CTNND2: variants seen among roughly 807,000 people sequenced by gnomAD.
The protein encoded by CTNND2 is catenin delta-2.
A neutral mutation model predicts 144.4 loss-of-function variants in CTNND2; 22 were observed. The ratio of observed to expected loss-of-function variants is 0.15; its 90% CI spans 0.11 to 0.22. The LOEUF (loss-of-function observed/expected upper bound fraction) is 0.22. Ranked by LOEUF, CTNND2 falls within the 10% of genes least tolerant of loss-of-function variation. The pLI, the probability that CTNND2 is intolerant of heterozygous loss-of-function variation, is 1.00. For missense variants in CTNND2, 1,353 were observed against 1,618.8 expected (o/e 0.84, Z 2.82); for synonymous variants, 751 against 695.6 (o/e 1.08, Z -1.25).
chr5:11,758,521 T>C (rs572941422), intron 1 of CTNND2, among the ~76,000 whole-genome samples: 1 of 152,170 alleles, frequency 6.6e-6, no homozygotes, highest in South Asian at 2.1e-4. Context: ...CCTTAGCATC[T>C]GGTAACCATC....
chr5:11,161,300 C>T (rs1560948557), intron 11 of CTNND2, among the ~76,000 whole-genome samples: 1 of 152,180 alleles, frequency 6.6e-6, no homozygotes, highest in African/African-American at 2.4e-5. Flanking sequence ...TCCAACTGTG[C>T]TTTAGTGAAT....
At chr5:11,359,434 CT>C (rs1024311291) in intron 8 of CTNND2, among the ~76,000 whole-genome samples, 2 of 152,176 alleles carry the variant, frequency 1.3e-5, no homozygotes, top group South Asian at 2.1e-4. Flanking sequence ...CCGCCTCCCC[CT>C]GTTAATGGTC....
chr5:11,336,435 T>C (rs1753734539), intron 9 of CTNND2, among the ~76,000 whole-genome samples: 1 of 152,244 alleles, frequency 6.6e-6, no homozygotes, highest in African/African-American at 2.4e-5. Context: ...GACTTATCCA[T>C]ACTTCTATAA....
chr5:11,127,211 CA>C (rs1754765164), intron 12 of CTNND2, among the ~76,000 whole-genome samples: 1 of 152,224 alleles, frequency 6.6e-6, no homozygotes, highest in Admixed American at 6.5e-5. Context: ...GGACCAAGGG[CA>C]AATCTTGTTA....
At chr5:11,639,976 C>A (rs1781911053) in intron 2 of CTNND2, among the ~76,000 whole-genome samples, 1 of 152,042 alleles carries the variant, frequency 6.6e-6, no homozygotes, top group Non-Finnish European at 1.5e-5. Flanking sequence ...GTTAACCATG[C>A]CTAAGTAGAA....
At chr5:10,998,388 C>A (rs1739572862) in intron 18 of CTNND2, among the ~76,000 whole-genome samples, 1 of 152,254 alleles carries the variant, frequency 6.6e-6, no homozygotes, top group African/African-American at 2.4e-5. Context: ...CAATAAATAT[C>A]TTCGTTAGAG....
At chr5:11,810,051 C>T (rs751558347) in intron 1 of CTNND2, among the ~76,000 whole-genome samples, 1 of 152,094 alleles carries the variant, frequency 6.6e-6, no homozygotes, top group Non-Finnish European at 1.5e-5. Flanking sequence ...TGTCCCCGGA[C>T]AAATCTGACA....
intron 9 of CTNND2, among the ~76,000 whole-genome samples, chr5:11,273,714 C>T (rs1031523827): frequency 5.3e-5 from 8 of 152,104 alleles, no homozygotes; most frequent in African/African-American, 1.7e-4. Flanking sequence ...ACTTATCGCC[C>T]AGATAAATGG....
rs771110873 is a variant in CTNND2, at chr5:11,674,967, C to A, written c.174+57169G>T. ...GGTCTCAAATTCCTGACCATGTGATCCTCCTGCCTCAGGCATATGTAGTTT... is the reference window on the plus strand; with the variant it reads ...GGTCTCAAATTCCTGACCATGTGATACTCCTGCCTCAGGCATATGTAGTTT... On this transcript the variant is annotated intron_variant, in intron 2 of 21. Coordinates refer to ENST00000304623, the MANE Select transcript of CTNND2 (RefSeq NM_001332.4). Among the ~76,000 whole-genome samples the A allele has an allele frequency of 2.9e-4, 44 of 152,204 alleles. 1 individual carries two copies. The South Asian group carries it at 4.6e-3, about 16-fold the overall frequency.
rs755835065 is a variant in CTNND2, at chr5:11,412,019, A to G, written c.322+16T>C. 21 of 1,602,728 alleles carry G rather than the reference A, an allele frequency of 1.3e-5. No homozygotes were observed. The Admixed American group carries it at 2.7e-4, about 20-fold the overall frequency. ...TGTTTAGAAGTGTAAGTGTTCATCA[A>G]TAAGATAGACATTACCTTGTGACTG... On this transcript the variant is annotated intron_variant, in intron 4 of 21. Coordinates refer to ENST00000304623, the MANE Select transcript of CTNND2 (RefSeq NM_001332.4).
chr5:11,182,901 C>T (rs370728427), intron 11 of CTNND2, among the ~76,000 whole-genome samples: 2 of 152,116 alleles, frequency 1.3e-5, no homozygotes, highest in Non-Finnish European at 2.9e-5. Context: ...GAGGGAGCCC[C>T]CTGGAGGTAA....
intron 1 of CTNND2, among the ~76,000 whole-genome samples, chr5:11,839,094 G>A (rs139297237): frequency 7.9e-5 from 12 of 152,092 alleles, no homozygotes; most frequent in South Asian, 2.1e-4. Flanking sequence ...ATTCAGAGGC[G>A]TCTAGCTCTC....
At chr5:11,498,392 T>C (rs989400474) in intron 3 of CTNND2, among the ~76,000 whole-genome samples, 2 of 152,162 alleles carry the variant, frequency 1.3e-5, no homozygotes, top group African/African-American at 4.8e-5. Context: ...CTAACACTAC[T>C]AAAAGATGGC....
intron 20 of CTNND2, among the ~76,000 whole-genome samples, chr5:10,987,628 C>CA (rs1554017652): frequency 7.2e-6 from 1 of 138,978 alleles, no homozygotes; most frequent in Non-Finnish European, 1.5e-5. Context: ...TCCTCCTGCC[C>CA]TCCTCTTTCC....
chr5:11,352,783 C>T (rs1164241336), intron 8 of CTNND2, among the ~76,000 whole-genome samples: 1 of 152,122 alleles, frequency 6.6e-6, no homozygotes, highest in African/African-American at 2.4e-5. Flanking sequence ...AAGGATCCTG[C>T]TCATTCATTG....
At chr5:11,437,626 T>G (rs1334102219) in intron 3 of CTNND2, among the ~76,000 whole-genome samples, 1 of 152,074 alleles carries the variant, frequency 6.6e-6, no homozygotes, top group Non-Finnish European at 1.5e-5. Context: ...CATTTGGGGT[T>G]GAAGGCAGAC....
intron 16 of CTNND2, among the ~76,000 whole-genome samples, chr5:11,073,457 C>A (rs1330938301): frequency 6.6e-6 from 1 of 152,194 alleles, no homozygotes; most frequent in East Asian, 1.9e-4. Context: ...AGCCTTTGGG[C>A]AGAAGTCCTG....
chr5:11,628,965 A>G (rs998041254), intron 2 of CTNND2, among the ~76,000 whole-genome samples: 1 of 152,202 alleles, frequency 6.6e-6, no homozygotes, highest in Admixed American at 6.5e-5. Context: ...TAAATAGACT[A>G]ATTTGTGAGA....
chr5:11,229,664 G>GTA (rs1740768841), intron 10 of CTNND2, among the ~76,000 whole-genome samples: 2 of 142,610 alleles, frequency 1.4e-5, no homozygotes, highest in Admixed American at 7.1e-5. Context: ...GTGTGTGTGT[G>GTA]TGTGTGTGTA....
Sources: allele counts gnomAD v4.1 joint callset (sites outside exome capture counted in the v4.1 genomes callset), GRCh38; gene constraint gnomAD v4.1.1; transcripts MANE v1.5; gene names NCBI Gene and HGNC (gene_info 2026-07-23, HGNC 2026-07-21).